AIG1: variants seen among roughly 807,000 people sequenced by gnomAD.
AIG1 encodes the protein androgen induced 1, also known as androgen-induced gene 1 protein.
In AIG1, 23 loss-of-function variants were observed where a neutral mutation model predicts 31.4. The ratio of observed to expected loss-of-function variants is 0.73; its 90% CI spans 0.53 to 1.04. The LOEUF (loss-of-function observed/expected upper bound fraction) is 1.04, where lower values mean the gene tolerates loss of function less well. AIG1 is among the 50% of genes least tolerant of loss of function. AIG1 has a pLI of 0.00. For missense variants in AIG1, 274 were observed against 295.0 expected (o/e 0.93, Z 0.52); for synonymous variants, 100 against 110.5 (o/e 0.90, Z 0.60).
At chr6:143,086,741 G>T (rs562732601) in intron 1 of AIG1, among the ~76,000 whole-genome samples, 1 of 152,330 alleles carries the variant, frequency 6.6e-6, no homozygotes, top group East Asian at 1.9e-4. Context: ...ATCAGAGGAA[G>T]TAGATTCAAA....
At chr6:143,254,693 T>G (rs754779106) in intron 3 of AIG1, among the ~76,000 whole-genome samples, 11 of 152,146 alleles carry the variant, frequency 7.2e-5, no homozygotes, top group Admixed American at 1.3e-4. Flanking sequence ...TTACTAGAGT[T>G]GTGATGCTTT....
Position 143,269,454 on chromosome 6 carries a change from A to G in AIG1, c.400-14656A>G, listed in dbSNP as rs117660059. ...CTGTGATCATGTCCTATGAGCTAGCAGTTTCTCTCCTCAGTATATATGCCT... is the reference window on the plus strand; with the variant it reads ...CTGTGATCATGTCCTATGAGCTAGCGGTTTCTCTCCTCAGTATATATGCCT... On this transcript the variant is annotated intron_variant, in intron 3 of 5. Transcript: ENST00000357847. Among the ~76,000 whole-genome samples, 970 of 152,308 alleles carry G rather than the reference A, an allele frequency of 6.4e-3. 2 individuals carry two copies. Among genetic ancestry groups the G allele is most frequent in the Middle Eastern group, 0.014 (4 of 294 alleles).
Position 143,334,940 on chromosome 6 carries a change from A to C in AIG1, c.679+1495A>C. 1.7e-6 allele frequency: 1 copy of C among 571,514 alleles called. No homozygotes were observed. Among genetic ancestry groups the C allele is most frequent in the Non-Finnish European group, 2.8e-6 (1 of 355,180 alleles). 35.4% of individuals were successfully genotyped at this position (571,514 alleles called of 1,614,324 possible). On this transcript the variant is annotated intron_variant, in intron 5 of 5. Coordinates refer to ENST00000357847, the MANE Select transcript of AIG1 (RefSeq NM_016108.4). The surrounding 1 kb of genome is among the most constrained non-coding windows in gnomAD (Gnocchi z 5.1). ...TACTGCTTTTTAGCAGCTTTGAATG[A>C]GGAGTTAAAAATGAATAATGAAATT...
rs1347581758 is a variant in AIG1, at chr6:143,333,608, C to A, written c.679+163C>A. Among the ~76,000 whole-genome samples, 1 of 152,098 alleles carries A rather than the reference C, an allele frequency of 6.6e-6. No individual in the cohort carries two copies. Among genetic ancestry groups the A allele is most frequent in the Non-Finnish European group, 1.5e-5 (1 of 68,026 alleles). ...AACTACAATATGAATTTAAGAGCTG[C>A]TGACAGTTACCTGAAAGTTTTACTA... is the stretch of plus-strand genomic sequence containing the variant. On this transcript the variant is annotated intron_variant, in intron 5 of 5. Transcript: ENST00000357847. The surrounding 1 kb of genome is among the most constrained non-coding windows in gnomAD (Gnocchi z 4.6).
upstream of AIG1, chr6:143,060,756 G>GCCGCGCCAGTCCCCGGGGGCGCGCGCC: frequency 5.1e-6 from 1 of 196,032 alleles, no homozygotes; most frequent in Non-Finnish European, 1.0e-5. Context: ...GGCGCTCGCG[G>GCCGCGCCAGTCCCCGGGGGCGCGCGCC]CCGCGCCAGT....
intron 3 of AIG1, among the ~76,000 whole-genome samples, chr6:143,273,661 G>A (rs1012876430): frequency 5.9e-5 from 9 of 152,156 alleles, no homozygotes; most frequent in Non-Finnish European, 8.8e-5. Flanking sequence ...GGTGGAAGGC[G>A]AAAGGCATGT....
intron 3 of AIG1, among the ~76,000 whole-genome samples, chr6:143,226,514 G>A (rs1043010156): frequency 6.6e-5 from 10 of 151,978 alleles, no homozygotes; most frequent in Non-Finnish European, 1.0e-4. Context: ...AAAGTGCTGG[G>A]ATTACAGACC....
At chr6:143,283,152 C>T (rs1477536844) in intron 3 of AIG1, among the ~76,000 whole-genome samples, 1 of 152,186 alleles carries the variant, frequency 6.6e-6, no homozygotes, top group Non-Finnish European at 1.5e-5. Context: ...AAACCAAGGG[C>T]ATTTGAATAT....
chr6:143,270,808 T>G (rs1796465029), intron 3 of AIG1, among the ~76,000 whole-genome samples: 1 of 152,150 alleles, frequency 6.6e-6, no homozygotes, highest in South Asian at 2.1e-4. Flanking sequence ...TGTGTGCACA[T>G]TTGTGTGTGT....
chr6:143,285,515 T>C (rs1323060687), intron 4 of AIG1, among the ~76,000 whole-genome samples: 1 of 151,394 alleles, frequency 6.6e-6, no homozygotes, highest in East Asian at 2.0e-4. Flanking sequence ...TACAAAAAAT[T>C]AGCCAGGTGT....
chr6:143,084,651 T>C (rs953790881), intron 1 of AIG1, among the ~76,000 whole-genome samples: 1 of 152,198 alleles, frequency 6.6e-6, no homozygotes, highest in African/African-American at 2.4e-5. Flanking sequence ...TTAAGATTAG[T>C]TGGCCTTCAA....
chr6:143,153,656 T>A (rs1562434379), intron 2 of AIG1, among the ~76,000 whole-genome samples: 2 of 152,124 alleles, frequency 1.3e-5, no homozygotes, highest in South Asian at 2.1e-4. Context: ...TGAGATTTTT[T>A]AAATGCATTT....
At chr6:143,171,467 TAATATATA>T (rs1231526559) in intron 3 of AIG1, among the ~76,000 whole-genome samples, 13 of 117,718 alleles carry the variant, frequency 1.1e-4, no homozygotes, top group African/African-American at 4.0e-4. Flanking sequence ...TATATATATT[TAATATATA>T]TAATATATAT....
At chr6:143,308,925 TC>T (rs2128705413) in intron 4 of AIG1, among the ~76,000 whole-genome samples, 1 of 152,166 alleles carries the variant, frequency 6.6e-6, no homozygotes, top group South Asian at 2.1e-4. Flanking sequence ...GTGTAAAGTT[TC>T]TGCCATATAT....
In AIG1 at chr6:143,327,344, T is replaced by C; in HGVS notation, c.516-5938T>C. 1 of 245,482 alleles carries C rather than the reference T, an allele frequency of 4.1e-6. No homozygotes were observed. 15.2% of individuals were successfully genotyped at this position (245,482 alleles called of 1,614,324 possible). On this transcript the variant is annotated intron_variant, in intron 4 of 5. Transcript: ENST00000357847. The surrounding 1 kb of genome is among the most constrained non-coding windows in gnomAD (Gnocchi z 5.3). ...GCCATCAACAAGGTGGTGACCTCGT[T>C]GATGATACACCATCAACATTCACAA...
intron 1 of AIG1, among the ~76,000 whole-genome samples, chr6:143,087,048 C>A (rs1778859127): frequency 6.6e-6 from 1 of 152,206 alleles, no homozygotes; most frequent in South Asian, 2.1e-4. Flanking sequence ...AAGCCTCACA[C>A]CTGAGTCTTA....
At chr6:143,222,921 C>T (rs1792649536) in intron 3 of AIG1, among the ~76,000 whole-genome samples, 1 of 152,192 alleles carries the variant, frequency 6.6e-6, no homozygotes, top group African/African-American at 2.4e-5. Context: ...TCATCCTTAA[C>T]AACTGACAAA....
chr6:143,089,475 A>C (rs1779107516), intron 1 of AIG1, among the ~76,000 whole-genome samples: 1 of 152,176 alleles, frequency 6.6e-6, no homozygotes, highest in Non-Finnish European at 1.5e-5. Flanking sequence ...GTTACACAGG[A>C]ATATAATAGT....
chr6:143,264,113 T>C (rs188710719), intron 3 of AIG1, among the ~76,000 whole-genome samples: 1 of 152,356 alleles, frequency 6.6e-6, no homozygotes, highest in East Asian at 1.9e-4. Context: ...ATTTAATATG[T>C]GTAAATGGTT....
Sources: allele counts gnomAD v4.1 joint callset (sites outside exome capture counted in the v4.1 genomes callset), GRCh38; gene constraint gnomAD v4.1.1; non-coding constraint Gnocchi (gnomAD v3.1); transcripts MANE v1.5; gene names NCBI Gene and HGNC (gene_info 2026-07-23, HGNC 2026-07-21).